Variants in CREBZF observed in about 807,000 individuals in gnomAD.
CREBZF encodes HCF-binding transcription factor Zhangfei.
In CREBZF, 8 loss-of-function variants were observed where a neutral mutation model predicts 21.1. The ratio of observed to expected loss-of-function variants is 0.38; its 90% CI spans 0.22 to 0.68. CREBZF has a LOEUF of 0.68. Among genes scored for constraint, CREBZF ranks in the 30% least tolerant of loss-of-function variants. The probability of loss-of-function intolerance (pLI) is 0.51; values close to 1 mark genes in which losing one functional copy is unlikely to be tolerated. For missense variants in CREBZF, 518 were observed against 484.3 expected, an observed-to-expected ratio of 1.07 and a Z score of -0.65; for synonymous variants, 270 against 223.3, an observed-to-expected ratio of 1.21 and a Z score of -1.86.
In CREBZF at chr11:85,663,758, G is replaced by C; in HGVS notation, c.*53C>G. The C allele has an allele frequency of 6.3e-7, 1 of 1,579,138 alleles. No homozygotes were observed. Among genetic ancestry groups the C allele is most frequent in the Non-Finnish European group, 8.6e-7 (1 of 1,163,774 alleles). ...TGTCCCACTAAGGTAAGTTTGACAT[G>C]GTGTAAGGGAGTTGAAAGGGGTAAA... On this transcript the variant is annotated 3_prime_UTR_variant, in exon 1 of 1. Transcript: ENST00000527447.
chr11:85,662,201 A>G lies in CREBZF; in HGVS notation c.*1610T>C. The G allele has an allele frequency of 1.8e-6, 1 of 562,760 alleles. No homozygotes were observed. Among genetic ancestry groups the G allele is most frequent in the Admixed American group, 3.1e-5 (1 of 32,700 alleles). 34.9% of individuals were successfully genotyped at this position (562,760 alleles called of 1,614,324 possible). ...GTCTCAAATCGTATTATCTAGCAACAAAACATTTACAGTTGTGCAAGAACA... is the reference window on the plus strand; with the variant it reads ...GTCTCAAATCGTATTATCTAGCAACGAAACATTTACAGTTGTGCAAGAACA... On this transcript the variant is annotated 3_prime_UTR_variant, in exon 1 of 1. Coordinates refer to ENST00000527447, the MANE Select transcript of CREBZF (RefSeq NM_001039618.4).
intron 1 of CREBZF, among the ~76,000 whole-genome samples, chr11:85,671,300 C>T (rs938574445): frequency 9.9e-5 from 15 of 152,192 alleles, no homozygotes; most frequent in African/African-American, 2.7e-4. Flanking sequence ...CACTGGGTCC[C>T]TTCCACAACA....
chr11:85,672,489 T>C (rs2082918706), intron 1 of CREBZF, among the ~76,000 whole-genome samples: 1 of 152,242 alleles, frequency 6.6e-6, no homozygotes, highest in African/African-American at 2.4e-5. Flanking sequence ...TTCCAAACTT[T>C]TGTGTTGTTT....
chr11:85,663,287 CG>C lies in CREBZF; in HGVS notation c.*523del. On this transcript the variant is annotated 3_prime_UTR_variant, in exon 1 of 1. Transcript: ENST00000527447. ...ACTGGGGACAGAAGAGCTAGGTACA[CG>C]CAAGTCTGAATAAGGGGACACATTA... The C allele has an allele frequency of 1.8e-6, 1 of 564,158 alleles. No individual in the cohort carries two copies. 34.9% of individuals were successfully genotyped at this position (564,158 alleles called of 1,614,324 possible).
At chr11:85,678,426 C>T (rs967790470) in intron 1 of CREBZF, among the ~76,000 whole-genome samples, 13 of 151,734 alleles carry the variant, frequency 8.6e-5, no homozygotes, top group African/African-American at 2.9e-4. Flanking sequence ...TTTGATTAAA[C>T]ATTAAATAAT....
At chr11:85,670,492 C>T (rs1034364920) in intron 1 of CREBZF, among the ~76,000 whole-genome samples, 27 of 151,834 alleles carry the variant, frequency 1.8e-4, no homozygotes, top group African/African-American at 4.1e-4. Context: ...TTAGTAGAGC[C>T]GGGGTTTCAC....
Position 85,664,671 on chromosome 11 carries a change from T to G in CREBZF, c.205A>C (p.Ser69Arg). The G allele has an allele frequency of 6.3e-7, 1 of 1,595,238 alleles. No homozygotes were observed. The highest frequency in any genetic ancestry group is 2.3e-5 in the East Asian group (1 of 44,088). ...GCGCGCACGGCCACGCCGCCGCGGC[T>G]CCCCCTCCCGGCTTCCAACTCTCCT... The part of the protein sequence containing the change: ...DEGELEAGRG[S>R]RGGVAVRAPS... The change falls in exon 1 of 1, where the codon AGC becomes CGC. Residue 69 changes from serine to arginine, a missense_variant. Physicochemically the swap from Ser to Arg is moderately radical, Grantham distance 110. Around this residue, in one of 3 missense-constraint regions of CREBZF, gnomAD observed 396 missense variants for 324.4 expected, o/e 1.22. Transcript: ENST00000527447. The surrounding 1 kb of genome is among the most constrained non-coding windows in gnomAD (Gnocchi z 5.5).
rs1195400731 is a variant in CREBZF at position 85,662,329 on chromosome 11, T to C, written c.*1482A>G. On this transcript the variant is annotated 3_prime_UTR_variant, in exon 1 of 1. Coordinates refer to ENST00000527447, the MANE Select transcript of CREBZF (RefSeq NM_001039618.4). ...AAATACTTTTTAATTATGAACATGT[T>C]AAAAATAAAAAACAGCAGAAGCCCT... 1.0e-5 allele frequency: 7 copies of C among 690,558 alleles called. No individual in the cohort carries two copies. The highest frequency in any genetic ancestry group is 1.6e-5 in the Non-Finnish European group (6 of 371,020). The allele number at this position is 690,558 out of a possible 1,614,324, so 42.8% of individuals were successfully genotyped here. A position where few individuals can be genotyped will look rare whatever the true frequency, so the allele number is the denominator to read the frequency against.
intron 1 of CREBZF, chr11:85,682,692 G>A (rs1000248801): frequency 1.6e-6 from 1 of 641,546 alleles, no homozygotes; most frequent in African/African-American, 1.8e-5. Flanking sequence ...CCACACTCCA[G>A]TACCCGGAAT....
chr11:85,679,342 T>C (rs1477604698), intron 1 of CREBZF, among the ~76,000 whole-genome samples: 1 of 152,222 alleles, frequency 6.6e-6, no homozygotes, highest in Admixed American at 6.5e-5. Flanking sequence ...GCAAAGTCAG[T>C]GAAGATAAGG....
chr11:85,669,056 T>C (rs1468056267), upstream of CREBZF, among the ~76,000 whole-genome samples: 2 of 143,054 alleles, frequency 1.4e-5, no homozygotes, highest in Admixed American at 1.4e-4. Context: ...CATGCTCCTA[T>C]TTGTATTTTA....
chr11:85,669,401 TACA>T (rs1490216281), upstream of CREBZF, among the ~76,000 whole-genome samples: 7 of 148,790 alleles, frequency 4.7e-5, no homozygotes, highest in African/African-American at 1.7e-4. Context: ...TCAGTCATTC[TACA>T]CACACACACA....
In CREBZF at chr11:85,659,225, C is replaced by A. The variant is rs1364181835; in HGVS notation, c.*4586G>T. ...TACTACCAATTAAACTTTCAAGAGT[C>A]ATCAGATTATTTAGCTTTAAAATTT... On this transcript the variant is annotated 3_prime_UTR_variant, in exon 1 of 1. Transcript: ENST00000527447. 6.6e-6 allele frequency among the ~76,000 whole-genome samples: 1 copy of A among 152,004 alleles called. No individual in the cohort carries two copies. The highest frequency in any genetic ancestry group is 1.5e-5 in the Non-Finnish European group (1 of 67,908).
At chr11:85,673,480 CTTAAG>C (rs2082925454) in intron 1 of CREBZF, among the ~76,000 whole-genome samples, 1 of 152,146 alleles carries the variant, frequency 6.6e-6, no homozygotes, top group Non-Finnish European at 1.5e-5. Flanking sequence ...ATGTGCGTAA[CTTAAG>C]TTAAAAATAT....
chr11:85,660,828 C>A lies in CREBZF; in HGVS notation c.*2983G>T. ...GTTCAATTAATGTATGAACTCCTGC[C>A]ACCATCAAAAGACAAATATTAAAAA... On this transcript the variant is annotated 3_prime_UTR_variant, in exon 1 of 1. Transcript: ENST00000527447. 4.4e-6 allele frequency: 1 copy of A among 226,684 alleles called. No homozygotes were observed. The highest frequency in any genetic ancestry group is 4.7e-5 in the South Asian group (1 of 21,472). 14.0% of individuals were successfully genotyped at this position (226,684 alleles called of 1,614,324 possible).
intron 1 of CREBZF, among the ~76,000 whole-genome samples, chr11:85,670,511 C>T (rs1365361219): frequency 6.6e-6 from 1 of 151,978 alleles, no homozygotes; most frequent in Non-Finnish European, 1.5e-5. Context: ...ACCATGTTAG[C>T]CAGGATGGTC....
At chr11:85,679,116 T>C (rs947784018) in intron 1 of CREBZF, among the ~76,000 whole-genome samples, 2 of 152,160 alleles carry the variant, frequency 1.3e-5, no homozygotes, top group Admixed American at 1.3e-4. Context: ...GGAAAGGCAG[T>C]TTTCTTGATC....
intron 1 of CREBZF, among the ~76,000 whole-genome samples, chr11:85,681,814 A>C (rs751123514): frequency 2.0e-5 from 3 of 152,226 alleles, no homozygotes; most frequent in Non-Finnish European, 2.9e-5. Context: ...TAATAGAGCA[A>C]CATACCATAA....
intron 1 of CREBZF, chr11:85,682,650 G>A (rs2082984548): frequency 8.7e-6 from 3 of 344,510 alleles, no homozygotes; most frequent in South Asian, 6.5e-5. Context: ...CCCATATAAC[G>A]TGGAGTCCCT....
Sources: allele counts gnomAD v4.1 joint callset (sites outside exome capture counted in the v4.1 genomes callset), GRCh38; gene constraint gnomAD v4.1.1; regional missense constraint gnomAD v4.1.1; non-coding constraint Gnocchi (gnomAD v3.1); transcripts MANE v1.5; gene names NCBI Gene and HGNC (gene_info 2026-07-23, HGNC 2026-07-21).